The following ARHGAP26 variants were observed in gnomAD, a reference collection of about 807,000 sequenced individuals.
ARHGAP26 encodes the protein Rho GTPase activating protein 26, also known as rho GTPase-activating protein 26.
ARHGAP26 carries 38 observed loss-of-function variants against 104.8 expected under a neutral mutation model. The ratio of observed to expected loss-of-function variants is 0.36; its 90% CI spans 0.28 to 0.48. The LOEUF is 0.48. ARHGAP26 is among the 20% of genes least tolerant of loss of function. The pLI, the probability that ARHGAP26 is intolerant of heterozygous loss-of-function variation, is 0.99. For missense variants in ARHGAP26, 704 were observed against 947.9 expected, an observed-to-expected ratio of 0.74 and a Z score of 3.38; for synonymous variants, 341 against 340.0, an observed-to-expected ratio of 1.00 and a Z score of -0.03.
chr5:143,055,793 A>G (rs1489225802), intron 15 of ARHGAP26, among the ~76,000 whole-genome samples: 2 of 152,192 alleles, frequency 1.3e-5, no homozygotes, highest in Non-Finnish European at 2.9e-5. Flanking sequence ...CATTAGCACT[A>G]TTTTAGTGTT....
chr5:143,222,644 A>C lies in ARHGAP26; in HGVS notation c.*198A>C. 1 of 411,106 alleles carries C rather than the reference A, an allele frequency of 2.4e-6. No individual in the cohort carries two copies. Among genetic ancestry groups the C allele is most frequent in the Non-Finnish European group, 4.3e-6 (1 of 231,048 alleles). The allele number at this position is 411,106 out of a possible 1,614,324, so 25.5% of individuals were successfully genotyped here. The stretch of plus-strand genomic sequence containing the variant: ...CTCAGCCAACATGCATCAGTACTGC[A>C]AGAAAAGAAGTCAATCAGCAGAGGA... On this transcript the variant is annotated 3_prime_UTR_variant, in exon 23 of 23. Transcript: ENST00000645722.
At chr5:142,846,590 T>C (rs1771999136) in intron 1 of ARHGAP26, among the ~76,000 whole-genome samples, 1 of 152,146 alleles carries the variant, frequency 6.6e-6, no homozygotes, top group Non-Finnish European at 1.5e-5. Context: ...TCATTCCTGC[T>C]CACTCCTCTG....
At chr5:142,852,589 A>G (rs1041075863) in intron 1 of ARHGAP26, among the ~76,000 whole-genome samples, 6 of 152,202 alleles carry the variant, frequency 3.9e-5, no homozygotes, top group Non-Finnish European at 8.8e-5. Context: ...TTCTGTTCAC[A>G]TCTCACATGC....
intron 6 of ARHGAP26, among the ~76,000 whole-genome samples, chr5:142,897,603 G>T (rs1056025898): frequency 6.6e-6 from 1 of 152,204 alleles, no homozygotes; most frequent in Non-Finnish European, 1.5e-5. Context: ...TGATTCAGCT[G>T]CACATTTCAG....
chr5:142,865,710 ATTG>A (rs201322411), intron 1 of ARHGAP26, among the ~76,000 whole-genome samples: 1 of 152,266 alleles, frequency 6.6e-6, no homozygotes, highest in East Asian at 1.9e-4. Flanking sequence ...AAAAGGCTTA[ATTG>A]TTGTTTAAGT....
chr5:142,897,699 A>C (rs1759670281), intron 6 of ARHGAP26, among the ~76,000 whole-genome samples: 1 of 152,252 alleles, frequency 6.6e-6, no homozygotes, highest in African/African-American at 2.4e-5. Flanking sequence ...TACCGTGCTA[A>C]GCGCTTTACC....
intron 1 of ARHGAP26, among the ~76,000 whole-genome samples, chr5:142,836,500 C>T (rs1208989836): frequency 2.0e-5 from 3 of 152,200 alleles, no homozygotes; most frequent in East Asian, 1.9e-4. Context: ...TTTGAGGCTT[C>T]AAGTAAGAAG....
intron 21 of ARHGAP26, among the ~76,000 whole-genome samples, chr5:143,209,488 T>C (rs1026657238): frequency 2.0e-5 from 3 of 152,056 alleles, no homozygotes; most frequent in Non-Finnish European, 4.4e-5. Context: ...CCTCTTGAAA[T>C]AGTCAAGGCA....
intron 18 of ARHGAP26, 52 bp from the exon 19 acceptor site, chr5:143,133,915 T>G: frequency 6.5e-7 from 1 of 1,542,854 alleles, no homozygotes; most frequent in Non-Finnish European, 8.8e-7. Flanking sequence ...CAGGCCTGTT[T>G]TCTTCCCAGT....
intron 1 of ARHGAP26, among the ~76,000 whole-genome samples, chr5:142,806,113 A>T (rs993960678): frequency 2.6e-5 from 4 of 152,126 alleles, no homozygotes; most frequent in African/African-American, 9.7e-5. Flanking sequence ...TTGTTGTCGG[A>T]GACAGAGTCT....
chr5:143,174,635 TC>T (rs1803231229), intron 20 of ARHGAP26, among the ~76,000 whole-genome samples: 1 of 152,172 alleles, frequency 6.6e-6, no homozygotes, highest in South Asian at 2.1e-4. Context: ...AAATGCCCCA[TC>T]CCCTAAACAA....
intron 9 of ARHGAP26, among the ~76,000 whole-genome samples, chr5:142,911,135 C>T (rs955756734): frequency 2.6e-5 from 4 of 152,308 alleles, no homozygotes; most frequent in Admixed American, 6.5e-5. Flanking sequence ...AAGAATTTCC[C>T]TGCATCCTAC....
intron 17 of ARHGAP26, among the ~76,000 whole-genome samples, chr5:143,100,623 AG>A (rs1485537669): frequency 6.6e-6 from 1 of 152,222 alleles, no homozygotes; most frequent in Non-Finnish European, 1.5e-5. Flanking sequence ...TTCCAGTTTT[AG>A]GTTTTGGACA....
At chr5:143,121,663 G>A (rs563708755) in intron 18 of ARHGAP26, among the ~76,000 whole-genome samples, 38 of 152,136 alleles carry the variant, frequency 2.5e-4, no homozygotes, top group South Asian at 1.0e-3. Flanking sequence ...GTTTGTGTGC[G>A]CGTGTCTTTA....
At chr5:143,129,030 T>A (rs928486583) in intron 18 of ARHGAP26, among the ~76,000 whole-genome samples, 1 of 152,152 alleles carries the variant, frequency 6.6e-6, no homozygotes, top group Non-Finnish European at 1.5e-5. Context: ...TCTAAAAATG[T>A]GTATGTGACA....
At chr5:143,069,435 A>G (rs1387520776) in intron 17 of ARHGAP26, among the ~76,000 whole-genome samples, 1 of 152,168 alleles carries the variant, frequency 6.6e-6, no homozygotes, top group Non-Finnish European at 1.5e-5. Flanking sequence ...ATGATGTCTC[A>G]GTTCCAACTA....
intron 10 of ARHGAP26, among the ~76,000 whole-genome samples, chr5:142,924,318 A>T (rs1562089825): frequency 6.6e-6 from 1 of 151,986 alleles, no homozygotes; most frequent in African/African-American, 2.4e-5. Flanking sequence ...CTACATGCAC[A>T]GGGGGGCAGT....
chr5:142,905,374 A>G (rs919927403), intron 8 of ARHGAP26, among the ~76,000 whole-genome samples: 1 of 149,750 alleles, frequency 6.7e-6, no homozygotes, highest in Non-Finnish European at 1.5e-5. Context: ...TCCAGAGCAC[A>G]TGATGGGGAT....
At chr5:142,986,671 T>A (rs1774784942) in intron 11 of ARHGAP26, among the ~76,000 whole-genome samples, 1 of 152,222 alleles carries the variant, frequency 6.6e-6, no homozygotes, top group East Asian at 1.9e-4. Flanking sequence ...CATCTTGAAT[T>A]AATGTTTGTA....
Sources: gnomAD v4.1 joint callset for allele counts (sites outside exome capture counted in the v4.1 genomes callset) on GRCh38, gnomAD v4.1.1 for gene constraint, MANE v1.5 for transcripts, NCBI Gene and HGNC (gene_info 2026-07-23, HGNC 2026-07-21) for gene names.